Variants in KIAA1217 observed in about 807,000 individuals in gnomAD.
KIAA1217 encodes the protein KIAA1217.
Under a neutral mutation model 163.9 loss-of-function variants are expected in KIAA1217, and 88 were observed. The ratio of observed to expected loss-of-function variants is 0.54; its 90% confidence interval spans 0.45 to 0.64. The LOEUF is 0.64. Among genes scored for constraint, KIAA1217 ranks in the 30% least tolerant of loss-of-function variants. The probability of loss-of-function intolerance (pLI) is 0.00; values close to 1 mark genes in which losing one functional copy is unlikely to be tolerated. For missense variants in KIAA1217, 2,372 were observed against 2,475.0 expected (o/e 0.96, Z 0.88); for synonymous variants, 903 against 923.1 (o/e 0.98, Z 0.39).
rs1049613813 is a variant in KIAA1217 at position 23,813,270 on chromosome 10, T to C, written c.-321+118036T>C. 2.6e-5 allele frequency among the ~76,000 whole-genome samples: 4 copies of C among 152,104 alleles called. 1 individual carries two copies. On this transcript the variant is annotated intron_variant, in intron 1 of 18. Transcript: ENST00000376462. ...CAGCTTCTTTGCCCTTAAAACTAGG[T>C]TATTTGTCTTTATATCATTGTAATA...
intron 2 of KIAA1217, among the ~76,000 whole-genome samples, chr10:24,128,131 A>C (rs1182990997): frequency 6.6e-6 from 1 of 152,240 alleles, no homozygotes; most frequent in Non-Finnish European, 1.5e-5. Context: ...TGTTAGCTGC[A>C]TGATGAGAGC....
rs780475267 is a variant in KIAA1217 at position 24,438,491 on chromosome 10, T to C, written c.846+12T>C. ...ATGGAGACATGAGGGTAAGTGTTTC[T>C]GTCATATTTTTACTTATCTTCAGTG... On this transcript the variant is annotated intron_variant, in intron 5 of 20. Transcript: ENST00000376454. 1.3e-6 allele frequency: 2 copies of C among 1,575,642 alleles called. No individual in the cohort carries two copies. The highest frequency in any genetic ancestry group is 1.3e-5 in the African/African-American group (1 of 74,276).
At chr10:24,004,273 G>A (rs770879797) in intron 1 of KIAA1217, among the ~76,000 whole-genome samples, 1 of 151,988 alleles carries the variant, frequency 6.6e-6, no homozygotes, top group Non-Finnish European at 1.5e-5. Context: ...CACAGCACCC[G>A]GCCGAGGGCT....
At chr10:24,171,808 AAAC>A (rs1409354906) in intron 2 of KIAA1217, among the ~76,000 whole-genome samples, 1 of 151,736 alleles carries the variant, frequency 6.6e-6, no homozygotes, top group Non-Finnish European at 1.5e-5. Flanking sequence ...ATAAATAAAT[AAAC>A]AAATAAATAA....
intron 1 of KIAA1217, among the ~76,000 whole-genome samples, chr10:23,831,618 A>G (rs995683750): frequency 6.6e-6 from 1 of 152,182 alleles, no homozygotes; most frequent in Non-Finnish European, 1.5e-5. Context: ...TAATATGTGT[A>G]TTAATGATAA....
chr10:24,466,551 C>T, intron 5 of KIAA1217: 1 of 985,192 alleles, frequency 1.0e-6, no homozygotes, highest in Non-Finnish European at 1.2e-6. Context: ...CAGCTTCTCT[C>T]CGAAAACTGG....
At position 24,125,049 on chromosome 10, in the gene KIAA1217, G is replaced by A. The variant is rs368353740; in HGVS notation, c.-170-94577G>A. On this transcript the variant is annotated intron_variant, in intron 2 of 18. Transcript: ENST00000376462. The stretch of plus-strand genomic sequence containing the variant: ...AGCACTTTGGGAGGCTGAGGCAGGC[G>A]GATCACGAGGTCAGGAGTTTGAGAC... Among the ~76,000 whole-genome samples the A allele has an allele frequency of 8.5e-5, 13 of 152,136 alleles. No individual in the cohort carries two copies. The East Asian group carries it at 1.2e-3, about 14-fold the overall frequency.
At chr10:24,487,526 A>G (rs2065567971) in intron 6 of KIAA1217, among the ~76,000 whole-genome samples, 1 of 152,250 alleles carries the variant, frequency 6.6e-6, no homozygotes, top group Non-Finnish European at 1.5e-5. Context: ...TCGCCACAGC[A>G]TTCCCTTTCC....
At chr10:24,329,815 C>G (rs1256032244) in intron 2 of KIAA1217, among the ~76,000 whole-genome samples, 3 of 152,060 alleles carry the variant, frequency 2.0e-5, no homozygotes, top group Admixed American at 6.6e-5. Flanking sequence ...GAGAAGTGGC[C>G]ATTAGCAAAG....
At chr10:24,352,630 AC>A (rs1489010439) in intron 2 of KIAA1217, among the ~76,000 whole-genome samples, 5 of 152,136 alleles carry the variant, frequency 3.3e-5, no homozygotes, top group Non-Finnish European at 7.3e-5. Flanking sequence ...AAAGTGAGTT[AC>A]TGTTCCCAGA....
chr10:24,543,841 A>T lies in KIAA1217; in HGVS notation c.4571A>T (p.His1524Leu), dbSNP rs1332648037. 4 of 1,613,848 alleles carry T rather than the reference A, an allele frequency of 2.5e-6. No homozygotes were observed. Among genetic ancestry groups the T allele is most frequent in the Non-Finnish European group, 3.4e-6 (4 of 1,180,016 alleles). The change falls in exon 19 of 21, where the codon CAC (histidine) becomes CTC (leucine). Residue 1524 changes from histidine (H) to leucine (L), a missense_variant. This residue lies in a region of KIAA1217 where 690 missense variants were observed against 677.5 expected (regional missense o/e 1.02). Transcript: ENST00000376454. ...GQQVETKSQPHSLATETRNPG... is the reference protein window; with the variant it reads ...GQQVETKSQPLSLATETRNPG... ...CAGGTGGAAACAAAGTCACAGCCAC[A>T]CTCCCTGGCCACAGAGACCAGAAAC...
At position 24,473,247 on chromosome 10, in the gene KIAA1217, A is replaced by T; in HGVS notation, c.866A>T (p.Tyr289Phe). Residue 289 changes from tyrosine (Y) to phenylalanine (F), a missense_variant, in exon 6 of 21, where the codon TAT (tyrosine) becomes TTT (phenylalanine). By Grantham distance (22) the Tyr-to-Phe change is conservative. Coordinates refer to ENST00000376454, the MANE Select transcript of KIAA1217 (RefSeq NM_019590.5). Reference protein sequence around the residue: ...GDMRMQRELVYARGDGPGAPR... With the variant: ...GDMRMQRELVFARGDGPGAPR... ...TTTCAGATGCAGAGAGAACTTGTTT[A>T]TGCAAGAGGAGATGGCCCTGGGGCC... 1.3e-6 allele frequency: 2 copies of T among 1,516,180 alleles called. No individual in the cohort carries two copies. The highest frequency in any genetic ancestry group is 1.8e-6 in the Non-Finnish European group (2 of 1,133,352). 93.9% of individuals were successfully genotyped at this position (1,516,180 alleles called of 1,614,324 possible).
chr10:24,279,745 G>A (rs879668291), intron 2 of KIAA1217, among the ~76,000 whole-genome samples: 15 of 152,124 alleles, frequency 9.9e-5, no homozygotes, highest in African/African-American at 3.6e-4. Flanking sequence ...CAATTAACTG[G>A]AGTTAAAACT....
intron 1 of KIAA1217, among the ~76,000 whole-genome samples, chr10:23,989,321 G>A (rs12265812): frequency 0.057 from 8,676 of 152,240 alleles, 802 homozygotes; most frequent in African/African-American, 0.2. Flanking sequence ...TTTATGTGAC[G>A]CAGGATACTT....
chr10:24,493,984 G>A (rs926882664), intron 6 of KIAA1217, among the ~76,000 whole-genome samples: 1 of 152,104 alleles, frequency 6.6e-6, no homozygotes, highest in Non-Finnish European at 1.5e-5. Flanking sequence ...TTTCTCCATG[G>A]TCTAAAGAAG....
intron 2 of KIAA1217, among the ~76,000 whole-genome samples, chr10:24,075,734 G>A (rs1231078203): frequency 6.6e-6 from 1 of 151,460 alleles, no homozygotes; most frequent in Non-Finnish European, 1.5e-5. Context: ...CTCCCAAGTA[G>A]CTGGGATTAC....
intron 2 of KIAA1217, among the ~76,000 whole-genome samples, chr10:24,082,892 A>G (rs2061583984): frequency 6.6e-6 from 1 of 152,100 alleles, no homozygotes. Context: ...TTTCTCTGCA[A>G]CCTCACCAGC....
At chr10:24,352,287 TA>T (rs1266476532) in intron 2 of KIAA1217, among the ~76,000 whole-genome samples, 18 of 152,366 alleles carry the variant, frequency 1.2e-4, no homozygotes, top group Middle Eastern at 3.4e-3. Flanking sequence ...AGTAATCCTT[TA>T]AAGAGTCCAT....
chr10:23,875,138 T>C (rs1840622814), intron 1 of KIAA1217, among the ~76,000 whole-genome samples: 1 of 152,008 alleles, frequency 6.6e-6, no homozygotes, highest in Non-Finnish European at 1.5e-5. Context: ...TGAGCTTCCA[T>C]GACCCAAATA....
Sources: gnomAD v4.1 joint callset for allele counts (sites outside exome capture counted in the v4.1 genomes callset) on GRCh38, gnomAD v4.1.1 for gene constraint, gnomAD v4.1.1 regional missense constraint, MANE v1.5 for transcripts, NCBI Gene and HGNC (gene_info 2026-07-23, HGNC 2026-07-21) for gene names.